The following ATP8B4 variants were observed in gnomAD, a reference collection of about 807,000 sequenced individuals.
ATP8B4 encodes the protein probable phospholipid-transporting ATPase IM.
ATP8B4 carries 133 observed loss-of-function variants against 145.6 expected under a neutral mutation model. That is an observed-to-expected ratio of 0.91 (90% CI 0.79 to 1.05). The LOEUF (loss-of-function observed/expected upper bound fraction) is 1.05, where lower values mean the gene tolerates loss of function less well. ATP8B4 is among the 50% of genes least tolerant of loss of function. The pLI is 0.00. For missense variants in ATP8B4, 1,458 were observed against 1,425.2 expected, an observed-to-expected ratio of 1.02 and a Z score of -0.37; for synonymous variants, 507 against 492.9, an observed-to-expected ratio of 1.03 and a Z score of -0.38.
chr15:49,954,538 T>G (rs1349656295), intron 14 of ATP8B4, among the ~76,000 whole-genome samples: 1 of 152,082 alleles, frequency 6.6e-6, no homozygotes, highest in East Asian at 1.9e-4. Flanking sequence ...CAGACACTTC[T>G]CAAAAGAAGA....
At chr15:50,098,540 TC>T (rs2056141847) in intron 2 of ATP8B4, among the ~76,000 whole-genome samples, 1 of 151,732 alleles carries the variant, frequency 6.6e-6, no homozygotes, top group South Asian at 2.1e-4. Flanking sequence ...CACCTCAGCC[TC>T]CCAAAGCACT....
At chr15:49,976,018 G>A (rs2045627607) in intron 12 of ATP8B4, among the ~76,000 whole-genome samples, 1 of 152,058 alleles carries the variant, frequency 6.6e-6, no homozygotes, top group Non-Finnish European at 1.5e-5. Context: ...ATCCTTTCTG[G>A]TTATAAATTA....
chr15:49,910,830 A>G (rs1325462196), intron 20 of ATP8B4, among the ~76,000 whole-genome samples: 1 of 152,180 alleles, frequency 6.6e-6, no homozygotes, highest in Admixed American at 6.5e-5. Context: ...CTTTGGGGAA[A>G]TAAAGTCTTT....
intron 1 of ATP8B4, among the ~76,000 whole-genome samples, chr15:50,126,555 TC>T (rs959488653): frequency 6.6e-6 from 1 of 152,196 alleles, no homozygotes; most frequent in African/African-American, 2.4e-5. Context: ...ATCTTTAGCT[TC>T]TGTAGAGAAC....
chr15:50,124,266 T>C (rs1018032253), intron 1 of ATP8B4, among the ~76,000 whole-genome samples: 10 of 152,050 alleles, frequency 6.6e-5, no homozygotes, highest in African/African-American at 2.2e-4. Context: ...CCCACCCCAA[T>C]TTCCCCACCA....
chr15:49,938,951 A>G (rs1312511738), intron 14 of ATP8B4, among the ~76,000 whole-genome samples: 1 of 152,148 alleles, frequency 6.6e-6, no homozygotes, highest in African/African-American at 2.4e-5. Context: ...AATACCAAGA[A>G]GATCTCAGAA....
At chr15:49,934,374 T>G (rs1459605050) in intron 14 of ATP8B4, among the ~76,000 whole-genome samples, 192 bp from the exon 15 acceptor site, 1 of 152,086 alleles carries the variant, frequency 6.6e-6, no homozygotes, top group African/African-American at 2.4e-5. Flanking sequence ...ACCAAAGAAG[T>G]GAACTTTCCA....
chr15:49,926,690 T>C (rs1295443722), intron 16 of ATP8B4, among the ~76,000 whole-genome samples: 1 of 152,128 alleles, frequency 6.6e-6, no homozygotes, highest in African/African-American at 2.4e-5. Flanking sequence ...CCCTGGAACA[T>C]ATGGGGAACT....
chr15:50,001,818 A>G (rs2047916209), intron 8 of ATP8B4, among the ~76,000 whole-genome samples: 1 of 152,140 alleles, frequency 6.6e-6, no homozygotes, highest in African/African-American at 2.4e-5. Context: ...TCCCTCCTCA[A>G]GGAATCTTGA....
chr15:49,943,392 G>GAAAC (rs1241804920), intron 14 of ATP8B4, among the ~76,000 whole-genome samples: 1 of 143,016 alleles, frequency 7.0e-6, no homozygotes, highest in African/African-American at 2.8e-5. Context: ...CAAATTAAAT[G>GAAAC]AAACAAACAA....
chr15:49,957,938 C>T (rs1439396408), intron 14 of ATP8B4, among the ~76,000 whole-genome samples: 1 of 151,628 alleles, frequency 6.6e-6, no homozygotes, highest in Non-Finnish European at 1.5e-5. Flanking sequence ...TAATTCCTAC[C>T]TTAAGAACAG....
chr15:50,159,015 A>G (rs867030910), intron 1 of ATP8B4, among the ~76,000 whole-genome samples: 1 of 152,156 alleles, frequency 6.6e-6, no homozygotes, highest in African/African-American at 2.4e-5. Context: ...ACCTCTGTTC[A>G]CTTGTTTATC....
At chr15:50,100,914 TTAAC>T (rs2056314227) in intron 2 of ATP8B4, among the ~76,000 whole-genome samples, 1 of 152,178 alleles carries the variant, frequency 6.6e-6, no homozygotes, top group Non-Finnish European at 1.5e-5. Flanking sequence ...AATGTGTCAA[TTAAC>T]TAATTAATAA....
At chr15:50,022,754 T>C (rs563260152) in intron 6 of ATP8B4, among the ~76,000 whole-genome samples, 23 of 152,306 alleles carry the variant, frequency 1.5e-4, no homozygotes, top group Admixed American at 9.2e-4. Context: ...CTAAATCTGT[T>C]TCCCCATGCC....
intron 13 of ATP8B4, among the ~76,000 whole-genome samples, chr15:49,963,592 G>C (rs1017651645): frequency 2.6e-5 from 4 of 152,150 alleles, no homozygotes; most frequent in African/African-American, 9.7e-5. Flanking sequence ...AAAGGAATGA[G>C]GTCATGTCCT....
chr15:50,010,509 T>A (rs1409046890), intron 7 of ATP8B4, among the ~76,000 whole-genome samples: 1 of 152,034 alleles, frequency 6.6e-6, no homozygotes, highest in Non-Finnish European at 1.5e-5. Flanking sequence ...ACAAAATATG[T>A]GAGAGCAGAC....
chr15:50,064,547 G>C (rs1388073919), intron 3 of ATP8B4, among the ~76,000 whole-genome samples: 1 of 152,094 alleles, frequency 6.6e-6, no homozygotes, highest in African/African-American at 2.4e-5. Context: ...CAGATTTATT[G>C]ACAAATATAT....
chr15:50,092,416 CAAAATAAA>C (rs1028714995), intron 2 of ATP8B4, among the ~76,000 whole-genome samples: 5 of 151,860 alleles, frequency 3.3e-5, no homozygotes, highest in Non-Finnish European at 7.4e-5. Flanking sequence ...GAAATAAATA[CAAAATAAA>C]AACAGATGAT....
At chr15:50,062,058 C>A (rs114729537) in intron 3 of ATP8B4, among the ~76,000 whole-genome samples, 2 of 152,108 alleles carry the variant, frequency 1.3e-5, no homozygotes, top group Admixed American at 1.3e-4. Flanking sequence ...AGACCTTATA[C>A]GTTTTTAAGT....
Sources: gnomAD v4.1 joint callset for allele counts (sites outside exome capture counted in the v4.1 genomes callset) on GRCh38, gnomAD v4.1.1 for gene constraint, MANE v1.5 for transcripts, NCBI Gene and HGNC (gene_info 2026-07-23, HGNC 2026-07-21) for gene names.